The following TBC1D7 variants were observed in gnomAD, a reference collection of about 807,000 sequenced individuals.
TBC1D7 encodes TBC domain family 7.
Under a neutral mutation model 35.3 loss-of-function variants are expected in TBC1D7, and 33 were observed. That is an observed-to-expected ratio of 0.93 (90% CI 0.71 to 1.25). TBC1D7 has a LOEUF of 1.25. Ranked by LOEUF, TBC1D7 falls within the 50% of genes most tolerant of loss-of-function variation. The pLI, the probability that TBC1D7 is intolerant of heterozygous loss-of-function variation, is 0.00. For synonymous variants in TBC1D7, 135 were observed against 129.5 expected (o/e 1.04, Z -0.29); for missense variants, 362 against 365.3 (o/e 0.99, Z 0.07).
At chr6:13,323,609 C>T (rs552543243) in intron 3 of TBC1D7, 1 of 152,334 alleles carries the variant, frequency 6.6e-6, no homozygotes, top group South Asian at 2.1e-4. Context: ...AAATAGTTGT[C>T]ACCGCTTCTC....
intron 5 of TBC1D7, among the ~76,000 whole-genome samples, chr6:13,309,611 T>C (rs899980084): frequency 3.3e-5 from 5 of 152,214 alleles, no homozygotes; most frequent in African/African-American, 1.2e-4. Context: ...TGAAACTCTA[T>C]TAAAGAATAA....
Position 13,321,114 on chromosome 6 carries a change from A to G in TBC1D7, c.194-19T>C. The G allele has an allele frequency of 6.3e-7, 1 of 1,595,146 alleles. No individual in the cohort carries two copies. The highest frequency in any genetic ancestry group is 8.6e-7 in the Non-Finnish European group (1 of 1,169,252). ...AAGATTCCTAGAGAGAACAGGAAAAACGAAAAAAGGACAAAATACTGAGCC... is the reference window on the plus strand; with the variant it reads ...AAGATTCCTAGAGAGAACAGGAAAAGCGAAAAAAGGACAAAATACTGAGCC... On this transcript the variant is annotated intron_variant, in intron 3 of 7. Transcript: ENST00000379300.
At chr6:13,308,067 C>T (rs1430634802) in intron 5 of TBC1D7, among the ~76,000 whole-genome samples, 1 of 152,130 alleles carries the variant, frequency 6.6e-6, no homozygotes, top group Non-Finnish European at 1.5e-5. Flanking sequence ...AGGCAAAAGT[C>T]CAAAGCAAAA....
intron 4 of TBC1D7, among the ~76,000 whole-genome samples, chr6:13,317,002 G>C (rs1783678847): frequency 6.6e-6 from 1 of 152,188 alleles, no homozygotes; most frequent in Non-Finnish European, 1.5e-5. Flanking sequence ...TCATAAGCAA[G>C]TCACTGACTC....
intron 4 of TBC1D7, chr6:13,320,588 G>A (rs930194424): frequency 3.4e-6 from 2 of 583,520 alleles, no homozygotes; most frequent in Non-Finnish European, 6.0e-6. Context: ...AAATAATGTT[G>A]GATGTAGAAA....
chr6:13,325,006 A>G (rs1459070269), intron 3 of TBC1D7, 88 bp downstream of exon 3: 2 of 1,007,510 alleles, frequency 2.0e-6, no homozygotes, highest in East Asian at 2.5e-5. Context: ...GCCTAAACAA[A>G]TTCTCCTTTT....
chr6:13,309,039 G>A (rs143503324), intron 5 of TBC1D7, among the ~76,000 whole-genome samples: 5 of 152,296 alleles, frequency 3.3e-5, no homozygotes, highest in African/African-American at 9.6e-5. Flanking sequence ...ATAATATCTG[G>A]TCCAGCTTTC....
At chr6:13,321,163 G>GA in intron 3 of TBC1D7, 68 bp from the exon 4 acceptor site, 2 of 1,409,362 alleles carry the variant, frequency 1.4e-6, no homozygotes, top group Non-Finnish European at 1.9e-6. Context: ...CCTCATCTAT[G>GA]AAAGAGGATG....
intron 4 of TBC1D7, chr6:13,319,205 A>G (rs1021110706): frequency 6.6e-6 from 1 of 152,338 alleles, no homozygotes; most frequent in Non-Finnish European, 1.5e-5. Context: ...CACGCCAGTA[A>G]TCACAGCACT....
chr6:13,317,718 C>T (rs894696736), intron 4 of TBC1D7, among the ~76,000 whole-genome samples: 1 of 152,204 alleles, frequency 6.6e-6, no homozygotes, highest in Admixed American at 6.5e-5. Flanking sequence ...CTGTGCTTGG[C>T]ACCCCGAAAG....
chr6:13,307,196 G>A (rs985992934), intron 6 of TBC1D7: 7 of 176,722 alleles, frequency 4.0e-5, no homozygotes, highest in South Asian at 1.1e-4. Context: ...CCTGGACTCC[G>A]AAATACCCAG....
At chr6:13,320,595 GA>G (rs1783963277) in intron 4 of TBC1D7, 2 of 584,128 alleles carry the variant, frequency 3.4e-6, no homozygotes. Context: ...GTTGGATGTA[GA>G]AAAAAGTTGC....
At chr6:13,326,735 G>T in intron 2 of TBC1D7, 52 bp downstream of exon 2, 1 of 1,180,938 alleles carries the variant, frequency 8.5e-7, no homozygotes, top group Non-Finnish European at 1.2e-6. Context: ...ATTTACTTCA[G>T]AACATGTGGA....
intron 1 of TBC1D7, chr6:13,327,706 C>T (rs538432984): frequency 2.0e-5 from 3 of 152,212 alleles, no homozygotes; most frequent in Non-Finnish European, 2.9e-5. Context: ...TCAGTGGTCT[C>T]AAGTTCCTTC....
chr6:13,317,572 G>A (rs942550268), intron 4 of TBC1D7, among the ~76,000 whole-genome samples: 6 of 152,198 alleles, frequency 3.9e-5, no homozygotes, highest in Middle Eastern at 3.4e-3. Context: ...AAAATGTCAA[G>A]AAAAACATAA....
rs1451874790 is a variant in TBC1D7 at position 13,326,899 on chromosome 6, A to T, written c.-1T>A. On this transcript the variant is annotated 5_prime_UTR_variant, in exon 2 of 8. Coordinates refer to ENST00000379300, the MANE Select transcript of TBC1D7 (RefSeq NM_016495.6). Reference sequence around the variant, plus strand: ...AGTTTCTCTGAGAGTCCTCAGTCATATTTCATTCTTGGAGGAGACACAGAA... The same window carrying T: ...AGTTTCTCTGAGAGTCCTCAGTCATTTTTCATTCTTGGAGGAGACACAGAA... 1.3e-6 allele frequency: 2 copies of T among 1,586,996 alleles called. No homozygotes were observed. Among genetic ancestry groups the T allele is most frequent in the Non-Finnish European group, 1.7e-6 (2 of 1,161,306 alleles).
At chr6:13,319,887 A>G (rs1284166362) in intron 4 of TBC1D7, 1 of 152,232 alleles carries the variant, frequency 6.6e-6, no homozygotes, top group African/African-American at 2.4e-5. Context: ...TTACAAAGGG[A>G]AAAGTAAAAA....
Position 13,325,168 on chromosome 6 carries a change from T to C in TBC1D7, c.119A>G (p.Glu40Gly). ...ILLKDDRLDTEKLCTFSQRFP... is the reference protein window; with the variant it reads ...ILLKDDRLDTGKLCTFSQRFP... ...CCTCTGACTAAAAGTACAAAGTTTC[T>C]CAGTATCTAGAGGAAGAAGAAAACA... is the stretch of plus-strand genomic sequence containing the variant. Residue 40 changes from glutamate (E) to glycine (G), a missense_variant, in exon 3 of 8, where the codon GAG (glutamate) becomes GGG (glycine). Transcript: ENST00000379300. The C allele has an allele frequency of 1.9e-6, 3 of 1,612,448 alleles. No individual in the cohort carries two copies. Among genetic ancestry groups the C allele is most frequent in the Non-Finnish European group, 2.5e-6 (3 of 1,178,570 alleles).
chr6:13,327,246 A>G (rs1240201840), intron 1 of TBC1D7, among the ~76,000 whole-genome samples: 1 of 152,224 alleles, frequency 6.6e-6, no homozygotes, highest in Non-Finnish European at 1.5e-5. Flanking sequence ...AAAGAAAAAA[A>G]ATAAGTGAAA....
Sources: gnomAD v4.1 joint callset for allele counts (sites outside exome capture counted in the v4.1 genomes callset) on GRCh38, gnomAD v4.1.1 for gene constraint, MANE v1.5 for transcripts, NCBI Gene and HGNC (gene_info 2026-07-23, HGNC 2026-07-21) for gene names.